The following TOR4A variants were observed in gnomAD, a reference collection of about 807,000 sequenced individuals.
TOR4A encodes torsin-4A.
TOR4A carries 12 observed loss-of-function variants against 11.5 expected under a neutral mutation model. The observed-to-expected ratio is 1.04, with a 90% CI of 0.67 to 1.69. The LOEUF is 1.69. Among genes scored for constraint, TOR4A ranks in the 40% most tolerant of loss-of-function variants. TOR4A has a pLI of 0.00. For missense variants in TOR4A, 640 were observed against 643.2 expected, an observed-to-expected ratio of 0.99 and a Z score of 0.05; for synonymous variants, 362 against 307.4, an observed-to-expected ratio of 1.18 and a Z score of -1.86.
rs1286322618 is a variant in TOR4A at position 137,279,322 on chromosome 9, C to G, written c.633C>G (p.Phe211Leu). The G allele has an allele frequency of 2.6e-6, 4 of 1,534,294 alleles. No homozygotes were observed. In the East Asian group the frequency reaches 7.4e-5, roughly 28 times the overall value. Residue 211 changes from phenylalanine (F) to leucine (L), a missense_variant, in exon 2 of 2, where the codon TTC becomes TTG. By Grantham distance (22) the Phe-to-Leu change is conservative. Coordinates refer to ENST00000357503, the MANE Select transcript of TOR4A (RefSeq NM_017723.3). ...SHVGRLLARHFRSVLEDSALV... is the reference protein window; with the variant it reads ...SHVGRLLARHLRSVLEDSALV... ...TGGGCCGCCTGCTGGCGCGCCACTTCCGCTCGGTGCTGGAGGACAGCGCGC... is the reference window on the plus strand; with the variant it reads ...TGGGCCGCCTGCTGGCGCGCCACTTGCGCTCGGTGCTGGAGGACAGCGCGC...
rs2119001077 is a variant in TOR4A at position 137,279,447 on chromosome 9, G to A, written c.758G>A (p.Arg253Gln). 6.5e-7 allele frequency: 1 copy of A among 1,540,186 alleles called. No homozygotes were observed. Among genetic ancestry groups the A allele is most frequent in the Non-Finnish European group, 8.7e-7 (1 of 1,143,062 alleles). Reference sequence around the variant, plus strand: ...CGGCGCGTGGCCGACGTGGTGGCGCGGGCCGAAGCGGAGGAGAAGACCCCA... The same window carrying A: ...CGGCGCGTGGCCGACGTGGTGGCGCAGGCCGAAGCGGAGGAGAAGACCCCA... ...LARRVADVVARAEAEEKTPLL... is the reference protein window; with the variant it reads ...LARRVADVVAQAEAEEKTPLL... The change falls in exon 2 of 2, where the codon CGG (arginine) becomes CAG (glutamine). Residue 253 changes from arginine to glutamine, a missense_variant. Physicochemically the swap from Arg to Gln is conservative, Grantham distance 43 (BLOSUM62 1). Transcript: ENST00000357503.
At chr9:137,278,565 G>A in intron 1 of TOR4A, 88 bp from the exon 2 acceptor site, 14 of 975,084 alleles carry the variant, frequency 1.4e-5, no homozygotes, top group Non-Finnish European at 1.7e-5. Flanking sequence ...CTCCCAGGGG[G>A]TAAGATCACT....
rs1330680401 is a variant in TOR4A at position 137,282,504 on chromosome 9, TTTTA to T, written c.*2550_*2553del. The T allele has an allele frequency of 1.8e-5, 3 of 167,118 alleles. No homozygotes were observed. The highest frequency in any genetic ancestry group is 6.5e-5 in the Admixed American group (1 of 15,296). 10.4% of individuals were successfully genotyped at this position (167,118 alleles called of 1,614,324 possible). ...GTGTGAGCCACCGTGCCCGGCCTCT[TTTTA>T]TTTATTCCTAAAATATTACCTTGAG... On this transcript the variant is annotated 3_prime_UTR_variant, in exon 2 of 2. Coordinates refer to ENST00000357503, the MANE Select transcript of TOR4A (RefSeq NM_017723.3).
rs1191066457 is a variant in TOR4A, at chr9:137,278,968, G to A, written c.279G>A (p.Lys93=). The change falls in exon 2 of 2, where the codon AAG becomes AAA. Residue 93 remains lysine (K), a synonymous_variant. Transcript: ENST00000357503. ...TACCCTCCAGGACGCCACGCAAGAA[G>A]CGCCGGCGCAGCCGCCTGGTGCTTT... ...AELPSRTPRK[K]RRRSRLVLYP... 2 of 1,605,734 alleles carry A rather than the reference G, an allele frequency of 1.2e-6. No homozygotes were observed. Among genetic ancestry groups the A allele is most frequent in the South Asian group, 2.2e-5 (2 of 90,276 alleles).
rs754297841 is a variant in TOR4A at position 137,279,971 on chromosome 9, A to T, written c.*10A>T. On this transcript the variant is annotated 3_prime_UTR_variant, in exon 2 of 2. Coordinates refer to ENST00000357503, the MANE Select transcript of TOR4A (RefSeq NM_017723.3). The stretch of plus-strand genomic sequence containing the variant: ...GGTGAACCTCCTGTAGTGGAGGCGC[A>T]GGACGGGACGTTTGGGTTGATGGCG... The T allele has an allele frequency of 7.1e-6, 11 of 1,559,746 alleles. No individual in the cohort carries two copies. The East Asian group carries it at 2.1e-4, about 30-fold the overall frequency.
chr9:137,278,829 C>A lies in TOR4A; in HGVS notation c.140C>A (p.Pro47Gln), dbSNP rs1289901909. Residue 47 changes from proline to glutamine, a missense_variant, in exon 2 of 2, where the codon CCG (proline) becomes CAG (glutamine). Physicochemically the swap from Pro to Gln is moderately conservative, Grantham distance 76 (BLOSUM62 -1). Transcript: ENST00000357503. Reference sequence around the variant, plus strand: ...CTACGCAAACGGCGCCTCCTGCAGCCGGGTGGGGGGCCCGACGTCGGGACC... The same window carrying A: ...CTACGCAAACGGCGCCTCCTGCAGCAGGGTGGGGGGCCCGACGTCGGGACC... ...CVLRKRRLLQ[P>Q]GGGPDVGTGA... The A allele has an allele frequency of 2.2e-5, 33 of 1,490,716 alleles. No homozygotes were observed. The highest frequency in any genetic ancestry group is 2.7e-5 in the Non-Finnish European group (30 of 1,130,154). The allele number at this position is 1,490,716 out of a possible 1,614,324, so 92.3% of individuals were successfully genotyped here. A position where few individuals can be genotyped will look rare whatever the true frequency, so the allele number is the denominator to read the frequency against.
Position 137,279,368 on chromosome 9 carries a change from C to A in TOR4A, c.679C>A (p.Arg227=). 6.6e-7 allele frequency: 1 copy of A among 1,525,822 alleles called. No homozygotes were observed. Among genetic ancestry groups the A allele is most frequent in the South Asian group, 1.2e-5 (1 of 83,088 alleles). The allele number at this position is 1,525,822 out of a possible 1,614,324, so 94.5% of individuals were successfully genotyped here. A position where few individuals can be genotyped will look rare whatever the true frequency, so the allele number is the denominator to read the frequency against. Residue 227 remains arginine (R), a synonymous_variant, in exon 2 of 2, where the codon CGG becomes AGG. Coordinates refer to ENST00000357503, the MANE Select transcript of TOR4A (RefSeq NM_017723.3). ...CGCGCTCGTGCTGCAATACCATGCG[C>A]GGCACCACTGCCCCGAGGCGCGCGC... ...DSALVLQYHA[R]HHCPEARAAQ...
rs1207792155 is a variant in TOR4A at position 137,279,757 on chromosome 9, G to A, written c.1068G>A (p.Gln356=). The change falls in exon 2 of 2, where the codon CAG becomes CAA. Residue 356 remains glutamine (Q), a synonymous_variant. Transcript: ENST00000357503. ...AVLSREHPLW[Q]AAAIVPFLLL... is the part of the protein sequence containing the mutation. ...TGTCCCGGGAGCATCCGCTGTGGCA[G>A]GCCGCGGCCATCGTGCCGTTTCTGC... is the stretch of plus-strand genomic sequence containing the variant. 6.3e-7 allele frequency: 1 copy of A among 1,583,776 alleles called. No homozygotes were observed. Among genetic ancestry groups the A allele is most frequent in the Non-Finnish European group, 8.5e-7 (1 of 1,172,882 alleles).
In TOR4A at chr9:137,278,834, G is replaced by A. The variant is rs763469220; in HGVS notation, c.145G>A (p.Gly49Arg). 5.3e-6 allele frequency: 8 copies of A among 1,495,916 alleles called. No individual in the cohort carries two copies. The African/African-American group carries it at 5.7e-5, about 11-fold the overall frequency. The allele number at this position is 1,495,916 out of a possible 1,614,324, so 92.7% of individuals were successfully genotyped here. A position where few individuals can be genotyped will look rare whatever the true frequency, so the allele number is the denominator to read the frequency against. The change falls in exon 2 of 2, where the codon GGG (glycine) becomes AGG (arginine). Residue 49 changes from glycine (G) to arginine (R), a missense_variant. Physicochemically the swap from Gly to Arg is moderately radical, Grantham distance 125. Coordinates refer to ENST00000357503, the MANE Select transcript of TOR4A (RefSeq NM_017723.3). ...CAAACGGCGCCTCCTGCAGCCGGGT[G>A]GGGGGCCCGACGTCGGGACCGGGGC... ...LRKRRLLQPG[G>R]GPDVGTGAPR...
Position 137,280,738 on chromosome 9 carries a change from G to C in TOR4A, c.*777G>C, listed in dbSNP as rs1830707331. The C allele has an allele frequency of 6.0e-6, 1 of 167,120 alleles. No individual in the cohort carries two copies. The highest frequency in any genetic ancestry group is 2.4e-5 in the African/African-American group (1 of 41,412). The allele number at this position is 167,120 out of a possible 1,614,324, so 10.4% of individuals were successfully genotyped here. On this transcript the variant is annotated 3_prime_UTR_variant, in exon 2 of 2. Transcript: ENST00000357503. ...GATTGCGCGACCTCCCTTTCCCTGGGGCCTTTTGTGCCCCGAGTTCCGCCC... is the reference window on the plus strand; with the variant it reads ...GATTGCGCGACCTCCCTTTCCCTGGCGCCTTTTGTGCCCCGAGTTCCGCCC...
intron 1 of TOR4A, among the ~76,000 whole-genome samples, chr9:137,278,395 C>T (rs1177945182): frequency 1.3e-5 from 2 of 151,898 alleles, no homozygotes; most frequent in Non-Finnish European, 2.9e-5. Flanking sequence ...GCCACTTCCT[C>T]AAGGCCCGCG....
At position 137,279,916 on chromosome 9, in the gene TOR4A, C is replaced by A. The variant is rs553999606; in HGVS notation, c.1227C>A (p.Ala409=). The change falls in exon 2 of 2, where the codon GCC becomes GCA. Residue 409 remains alanine (A), a synonymous_variant. Transcript: ENST00000357503. The part of the protein sequence containing the change: ...SFYRVAGREF[A]VTGCKQVVAT... The stretch of plus-strand genomic sequence containing the variant: ...ACCGCGTGGCTGGCCGCGAGTTTGC[C>A]GTCACCGGCTGCAAGCAGGTGGTGG... 1.9e-6 allele frequency: 3 copies of A among 1,579,726 alleles called. No homozygotes were observed. The highest frequency in any genetic ancestry group is 1.8e-5 in the Admixed American group (1 of 55,708).
In TOR4A at chr9:137,279,719, C is replaced by G; in HGVS notation, c.1030C>G (p.Leu344Val). 2 of 1,575,478 alleles carry G rather than the reference C, an allele frequency of 1.3e-6. No individual in the cohort carries two copies. Among genetic ancestry groups the G allele is most frequent in the African/African-American group, 1.3e-5 (1 of 74,584 alleles). Residue 344 changes from leucine (L) to valine (V), a missense_variant, in exon 2 of 2, where the codon CTG becomes GTG. Leu to Val is a conservative substitution (Grantham distance 32). Coordinates refer to ENST00000357503, the MANE Select transcript of TOR4A (RefSeq NM_017723.3). ...GGCGGAAGAAGACCTGCGCGCCAGC[C>G]TGCTGGCTGTGCTGTCCCGGGAGCA... is the stretch of plus-strand genomic sequence containing the variant. ...AQAEEDLRAS[L>V]LAVLSREHPL...
At position 137,279,805 on chromosome 9, in the gene TOR4A, C is replaced by T. The variant is rs138639039; in HGVS notation, c.1116C>T (p.Val372=). 1,378 of 1,597,536 alleles carry T rather than the reference C, an allele frequency of 8.6e-4. 5 individuals are homozygous for T. The highest frequency in any genetic ancestry group is 5.8e-3 in the Middle Eastern group (35 of 6,052). The change falls in exon 2 of 2, where the codon GTC becomes GTT. Residue 372 remains valine (V), a synonymous_variant. Transcript: ENST00000357503. The part of the protein sequence containing the change: ...PFLLLDKRDV[V]SCFRDEMAGE... The stretch of plus-strand genomic sequence containing the variant: ...TGCTGCTGGACAAGCGGGATGTGGT[C>T]AGCTGCTTCCGGGACGAGATGGCGG...
chr9:137,279,006 C>T lies in TOR4A; in HGVS notation c.317C>T (p.Ser106Leu), dbSNP rs1830679452. 1 of 1,606,436 alleles carries T rather than the reference C, an allele frequency of 6.2e-7. No individual in the cohort carries two copies. Among genetic ancestry groups the T allele is most frequent in the Middle Eastern group, 1.7e-4 (1 of 6,050 alleles). The change falls in exon 2 of 2, where the codon TCG (serine) becomes TTG (leucine). Residue 106 changes from serine (S) to leucine (L), a missense_variant. Transcript: ENST00000357503. ...RSRLVLYPET[S>L]RKYRPRVEHR... ...CGCCTGGTGCTTTACCCGGAGACCT[C>T]GCGCAAGTATCGGCCGCGCGTGGAG...
chr9:137,281,392 C>T lies in TOR4A; in HGVS notation c.*1431C>T. The T allele has an allele frequency of 6.4e-6, 1 of 155,956 alleles. No individual in the cohort carries two copies. Among genetic ancestry groups the T allele is most frequent in the Non-Finnish European group, 1.5e-5 (1 of 68,074 alleles). 9.7% of individuals were successfully genotyped at this position (155,956 alleles called of 1,614,324 possible). Reference sequence around the variant, plus strand: ...AGACCGCGCCCACCAGCGCCGGTGTCCCCGGAGGGGCCCCGCTAGTTCCCT... The same window carrying T: ...AGACCGCGCCCACCAGCGCCGGTGTTCCCGGAGGGGCCCCGCTAGTTCCCT... On this transcript the variant is annotated 3_prime_UTR_variant, in exon 2 of 2. Coordinates refer to ENST00000357503, the MANE Select transcript of TOR4A (RefSeq NM_017723.3).
Position 137,279,906 on chromosome 9 carries a change from G to T in TOR4A, c.1217G>T (p.Arg406Leu). Residue 406 changes from arginine (R) to leucine (L), a missense_variant, in exon 2 of 2, where the codon CGC (arginine) becomes CTC (leucine). Coordinates refer to ENST00000357503, the MANE Select transcript of TOR4A (RefSeq NM_017723.3). ...CTCAGCTTCTACCGCGTGGCTGGCCGCGAGTTTGCCGTCACCGGCTGCAAG... is the reference window on the plus strand; with the variant it reads ...CTCAGCTTCTACCGCGTGGCTGGCCTCGAGTTTGCCGTCACCGGCTGCAAG... The part of the protein sequence containing the change: ...AQLSFYRVAG[R>L]EFAVTGCKQV... The T allele has an allele frequency of 6.3e-7, 1 of 1,579,288 alleles. No individual in the cohort carries two copies. Among genetic ancestry groups the T allele is most frequent in the African/African-American group, 1.3e-5 (1 of 74,414 alleles).
In TOR4A at chr9:137,279,380, C is replaced by A; in HGVS notation, c.691C>A (p.Pro231Thr). Residue 231 changes from proline to threonine, a missense_variant, in exon 2 of 2, where the codon CCC (proline) becomes ACC (threonine). By Grantham distance (38) the Pro-to-Thr change is conservative (BLOSUM62 -1). Transcript: ENST00000357503. Reference sequence around the variant, plus strand: ...GCAATACCATGCGCGGCACCACTGCCCCGAGGCGCGCGCCGCACAGGACTG... The same window carrying A: ...GCAATACCATGCGCGGCACCACTGCACCGAGGCGCGCGCCGCACAGGACTG... ...VLQYHARHHC[P>T]EARAAQDCRE... 1.3e-6 allele frequency: 2 copies of A among 1,521,728 alleles called. No individual in the cohort carries two copies. Among genetic ancestry groups the A allele is most frequent in the Non-Finnish European group, 1.8e-6 (2 of 1,137,048 alleles). 94.3% of individuals were successfully genotyped at this position (1,521,728 alleles called of 1,614,324 possible).
In TOR4A at chr9:137,279,499, C is replaced by A. The variant is rs1373042577; in HGVS notation, c.810C>A (p.Leu270=). Residue 270 remains leucine (L), a synonymous_variant, in exon 2 of 2, where the codon CTC becomes CTA. Coordinates refer to ENST00000357503, the MANE Select transcript of TOR4A (RefSeq NM_017723.3). ...TCTTGGTGCTGGACGACGTGGAGCT[C>A]ATGCCGCGGCCGCTGCTGGACGAGC... The part of the protein sequence containing the change: ...TPLLVLDDVE[L]MPRPLLDELH... 2 of 1,573,572 alleles carry A rather than the reference C, an allele frequency of 1.3e-6. No homozygotes were observed. The highest frequency in any genetic ancestry group is 2.3e-5 in the East Asian group (1 of 42,700).
Sources: allele counts gnomAD v4.1 joint callset (sites outside exome capture counted in the v4.1 genomes callset), GRCh38; gene constraint gnomAD v4.1.1; transcripts MANE v1.5; gene names NCBI Gene and HGNC (gene_info 2026-07-23, HGNC 2026-07-21).